Variants in GLP2R observed in about 807,000 individuals in gnomAD.
GLP2R encodes glucagon like peptide 2 receptor.
In GLP2R, 59 loss-of-function variants were observed where a neutral mutation model predicts 68.2. The observed-to-expected ratio is 0.87, with a 90% CI of 0.70 to 1.07. GLP2R has a LOEUF of 1.07. Ranked by LOEUF, GLP2R falls within the 50% of genes least tolerant of loss-of-function variation. GLP2R has a pLI of 0.00. For missense variants in GLP2R, 548 were observed against 677.4 expected (o/e 0.81, Z 2.12); for synonymous variants, 270 against 265.4 (o/e 1.02, Z -0.17).
At chr17:9,871,407 A>G (rs191161657) in intron 10 of GLP2R, among the ~76,000 whole-genome samples, 1 of 152,146 alleles carries the variant, frequency 6.6e-6, no homozygotes, top group East Asian at 1.9e-4. Flanking sequence ...TCTTGTTTGA[A>G]GAGAAGTTTG....
rs115992795 is a variant in GLP2R, at chr17:9,887,969, G to C, written c.1322G>C (p.Gly441Ala). ...LVALQYGFAN[G>A]EVKAELRKYW... is the part of the protein sequence containing the mutation. ...GCCTTGCAGTATGGTTTTGCCAATG[G>C]AGAGGTATGATTTCCACGTTGCCAT... Residue 441 changes from glycine (G) to alanine (A), a missense_variant, in exon 12 of 13, where the codon GGA becomes GCA. Transcript: ENST00000262441. The C allele has an allele frequency of 8.8e-5, 142 of 1,609,692 alleles. No homozygotes were observed. In the African/African-American group the frequency reaches 1.4e-3, roughly 16 times the overall value.
rs189164029 is a variant in GLP2R, at chr17:9,861,795, C to T, written c.987-226C>T. Among the ~76,000 whole-genome samples, 455 of 152,288 alleles carry T rather than the reference C, an allele frequency of 3.0e-3. 13 individuals carry two copies. The highest frequency in any genetic ancestry group is 6.2e-4 in the Non-Finnish European group (42 of 68,026). On this transcript the variant is annotated intron_variant, in intron 8 of 12. Coordinates refer to ENST00000262441, the MANE Select transcript of GLP2R (RefSeq NM_004246.3). ...ATTTTGGAAAGATATACACACTAGG[C>T]TGTTACCACTGAAGAGCAATTTAAT...
chr17:9,862,875 C>T (rs2066999569), intron 9 of GLP2R, among the ~76,000 whole-genome samples: 1 of 152,144 alleles, frequency 6.6e-6, no homozygotes, highest in African/African-American at 2.4e-5. Context: ...CTGTTTTTGC[C>T]ATTTTATATA....
At chr17:9,867,432 T>C (rs2067049531) in intron 9 of GLP2R, among the ~76,000 whole-genome samples, 3 of 152,246 alleles carry the variant, frequency 2.0e-5, no homozygotes, top group Non-Finnish European at 2.9e-5. Context: ...ATGACCATAA[T>C]GTGGCAACCT....
intron 10 of GLP2R, 116 bp from the exon 11 acceptor site, chr17:9,880,262 T>C (rs1324110291): frequency 3.0e-6 from 2 of 673,922 alleles, no homozygotes; most frequent in Admixed American, 2.6e-5. Context: ...GGAGACCATC[T>C]GGGAAACAAC....
intron 11 of GLP2R, 112 bp from the exon 12 acceptor site, chr17:9,887,820 G>C (rs149680276): frequency 1.3e-6 from 1 of 790,564 alleles, no homozygotes; most frequent in South Asian, 1.4e-5. Context: ...GCAGTTGCAC[G>C]CCTCTTCTGG....
At chr17:9,869,569 G>A (rs1271882957) in intron 9 of GLP2R, among the ~76,000 whole-genome samples, 2 of 152,222 alleles carry the variant, frequency 1.3e-5, no homozygotes, top group African/African-American at 4.8e-5. Flanking sequence ...GGCTTGGCTG[G>A]GGCTGGAGGA....
At chr17:9,877,825 C>T (rs1055492457) in intron 10 of GLP2R, among the ~76,000 whole-genome samples, 14 of 147,196 alleles carry the variant, frequency 9.5e-5, no homozygotes, top group East Asian at 3.9e-4. Flanking sequence ...TGCAGTGAGC[C>T]GAGATCCCGC....
Position 9,889,649 on chromosome 17 carries a change from G to T in GLP2R, c.1606G>T (p.Gly536Trp). 6.2e-7 allele frequency: 1 copy of T among 1,609,670 alleles called. No homozygotes were observed. Among genetic ancestry groups the T allele is most frequent in the Non-Finnish European group, 8.5e-7 (1 of 1,177,074 alleles). Residue 536 changes from glycine (G) to tryptophan (W), a missense_variant, in exon 13 of 13, where the codon GGG becomes TGG. Coordinates refer to ENST00000262441, the MANE Select transcript of GLP2R (RefSeq NM_004246.3). ...RGSSLSECSE[G>W]DVTMANTMEE... ...CAGCAGCCTGTCCGAGTGCAGTGAGGGGGATGTCACCATGGCCAACACCAT... is the reference window on the plus strand; with the variant it reads ...CAGCAGCCTGTCCGAGTGCAGTGAGTGGGATGTCACCATGGCCAACACCAT...
chr17:9,878,093 C>T (rs1224220469), intron 10 of GLP2R, among the ~76,000 whole-genome samples: 1 of 152,172 alleles, frequency 6.6e-6, no homozygotes, highest in Non-Finnish European at 1.5e-5. Flanking sequence ...CCAGCCCACC[C>T]AGAGCAAGGG....
At chr17:9,882,593 T>C (rs1485363336) in intron 11 of GLP2R, among the ~76,000 whole-genome samples, 1 of 152,200 alleles carries the variant, frequency 6.6e-6, no homozygotes, top group Non-Finnish European at 1.5e-5. Flanking sequence ...CAGGGAAGGC[T>C]TCAAACTGAA....
rs555251951 is a variant in GLP2R, at chr17:9,890,259, A to C, written c.*554A>C. The C allele has an allele frequency of 1.1e-5, 4 of 349,258 alleles. No homozygotes were observed. The Admixed American group carries it at 1.2e-4, about 10-fold the overall frequency. 21.6% of individuals were successfully genotyped at this position (349,258 alleles called of 1,614,324 possible). A position where few individuals can be genotyped will look rare whatever the true frequency, so the allele number is the denominator to read the frequency against. Reference sequence around the variant, plus strand: ...CTTGGAGAACACTGGGCAGGGTGAGAGGGAGCTAGAAGCGCCCCCATGTGG... The same window carrying C: ...CTTGGAGAACACTGGGCAGGGTGAGCGGGAGCTAGAAGCGCCCCCATGTGG... On this transcript the variant is annotated 3_prime_UTR_variant, in exon 13 of 13. Transcript: ENST00000262441.
At chr17:9,830,179 GT>G (rs1203948219) in intron 1 of GLP2R, among the ~76,000 whole-genome samples, 6 of 152,200 alleles carry the variant, frequency 3.9e-5, no homozygotes, top group African/African-American at 1.4e-4. Flanking sequence ...GTTTTAGTTT[GT>G]TTTTCTGCTT....
Position 9,860,048 on chromosome 17 carries a change from C to T in GLP2R, c.872C>T (p.Pro291Leu), listed in dbSNP as rs1189545350. The T allele has an allele frequency of 6.2e-7, 1 of 1,613,156 alleles. No individual in the cohort carries two copies. ...EGLYLHTLLE[P>L]TVLPERRLWP... Reference sequence around the variant, plus strand: ...CTCTACCTCCACACGCTGCTGGAGCCCACAGTGCTTCCTGAGAGGCGGCTG... The same window carrying T: ...CTCTACCTCCACACGCTGCTGGAGCTCACAGTGCTTCCTGAGAGGCGGCTG... The change falls in exon 7 of 13, where the codon CCC becomes CTC. Residue 291 changes from proline to leucine, a missense_variant. By Grantham distance (98) the Pro-to-Leu change is moderately conservative (BLOSUM62 -3). Transcript: ENST00000262441.
At chr17:9,868,320 AG>A (rs771307133) in intron 9 of GLP2R, among the ~76,000 whole-genome samples, 43 of 152,282 alleles carry the variant, frequency 2.8e-4, no homozygotes, top group Middle Eastern at 3.4e-3. Context: ...GGAAGAGTTT[AG>A]GGGTAGATGA....
chr17:9,834,103 C>T (rs933957740), intron 2 of GLP2R, among the ~76,000 whole-genome samples: 3 of 152,160 alleles, frequency 2.0e-5, no homozygotes, highest in Non-Finnish European at 4.4e-5. Context: ...GCCGGGGCTT[C>T]CATACAGCAT....
chr17:9,863,469 G>A (rs1054839485), intron 9 of GLP2R, among the ~76,000 whole-genome samples: 8 of 152,222 alleles, frequency 5.3e-5, no homozygotes, highest in African/African-American at 1.7e-4. Flanking sequence ...CCCAAAGGGT[G>A]TGATGGGATG....
At chr17:9,831,607 C>T (rs1299192920) in intron 1 of GLP2R, among the ~76,000 whole-genome samples, 2 of 152,098 alleles carry the variant, frequency 1.3e-5, no homozygotes, top group African/African-American at 2.4e-5. Flanking sequence ...AAGCGAGTGC[C>T]AATGGGAAGT....
intron 6 of GLP2R, 123 bp from the exon 7 acceptor site, chr17:9,859,819 C>CAAAAA (rs10567375): frequency 5.2e-4 from 75 of 143,884 alleles, no homozygotes; most frequent in Non-Finnish European, 6.7e-4. Context: ...GATTCTGTCT[C>CAAAAA]AAAAAAAAAA....
Sources: gnomAD v4.1 joint callset for allele counts (sites outside exome capture counted in the v4.1 genomes callset) on GRCh38, gnomAD v4.1.1 for gene constraint, MANE v1.5 for transcripts, NCBI Gene and HGNC (gene_info 2026-07-23, HGNC 2026-07-21) for gene names.